Variants in BABAM2 observed in about 807,000 individuals in gnomAD.
BABAM2 encodes BRISC and BRCA1 A complex member 2.
A neutral mutation model predicts 54.7 loss-of-function variants in BABAM2; 31 were observed. The observed-to-expected ratio is 0.57, with a 90% CI of 0.43 to 0.77. The LOEUF is 0.77. BABAM2 is among the 30% of genes least tolerant of loss of function. The pLI is 0.00. For synonymous variants in BABAM2, 167 were observed against 162.9 expected, an observed-to-expected ratio of 1.03 and a Z score of -0.19; for missense variants, 364 against 455.8, an observed-to-expected ratio of 0.80 and a Z score of 1.83.
intron 10 of BABAM2, among the ~76,000 whole-genome samples, chr2:28,262,721 A>G (rs193055850): frequency 3.0e-4 from 45 of 152,280 alleles, no homozygotes; most frequent in African/African-American, 9.9e-4. Flanking sequence ...TAAAGAATAA[A>G]TGAGAGAACA....
chr2:28,243,222 A>G lies in BABAM2; in HGVS notation c.852-1558A>G, dbSNP rs114739578. ...AAAGTATTGATATCAGCACTATAAC[A>G]TTATTGGGCTAATTATAAATTCATA... On this transcript the variant is annotated intron_variant, in intron 9 of 11. Transcript: ENST00000379624. 7.3e-3 allele frequency among the ~76,000 whole-genome samples: 1,112 copies of G among 152,188 alleles called. 9 individuals are homozygous for G. Among genetic ancestry groups the G allele is most frequent in the African/African-American group, 0.025 (1,057 of 41,520 alleles).
chr2:28,272,371 T>G (rs1403192359), intron 10 of BABAM2, among the ~76,000 whole-genome samples: 1 of 152,216 alleles, frequency 6.6e-6, no homozygotes, highest in East Asian at 1.9e-4. Context: ...GGCAAAATCC[T>G]TTAAAACTTG....
intron 7 of BABAM2, among the ~76,000 whole-genome samples, chr2:28,164,647 C>G (rs1240046503): frequency 6.6e-6 from 1 of 152,044 alleles, no homozygotes; most frequent in Non-Finnish European, 1.5e-5. Flanking sequence ...TGAGGAAATT[C>G]TGCCCAGCTG....
intron 7 of BABAM2, among the ~76,000 whole-genome samples, chr2:28,226,813 C>G (rs1275928318): frequency 6.6e-6 from 1 of 151,764 alleles, no homozygotes; most frequent in East Asian, 1.9e-4. Context: ...GGTTTTAGCC[C>G]CAGTGAGAAG....
intron 11 of BABAM2, among the ~76,000 whole-genome samples, chr2:28,328,966 T>G (rs890423831): frequency 6.6e-6 from 1 of 152,262 alleles, no homozygotes; most frequent in Non-Finnish European, 1.5e-5. Context: ...TTTTTATCCT[T>G]TTGAAAAGAT....
At chr2:27,958,743 AAGAC>A (rs1273084173) in intron 3 of BABAM2, among the ~76,000 whole-genome samples, 1 of 152,114 alleles carries the variant, frequency 6.6e-6, no homozygotes. Context: ...CTTGTGAGGA[AAGAC>A]AGACAGAGGC....
At chr2:28,279,022 G>T (rs1345627225) in intron 10 of BABAM2, among the ~76,000 whole-genome samples, 1 of 152,234 alleles carries the variant, frequency 6.6e-6, no homozygotes, top group Non-Finnish European at 1.5e-5. Context: ...GGAATTAAAA[G>T]AAGAGTAAAT....
chr2:28,299,297 G>A (rs1687932450), intron 11 of BABAM2, among the ~76,000 whole-genome samples: 2 of 152,186 alleles, frequency 1.3e-5, no homozygotes, highest in South Asian at 4.1e-4. Flanking sequence ...CCTCACTTCA[G>A]TCATACAGAA....
chr2:28,221,140 A>G (rs1680373621), intron 7 of BABAM2, among the ~76,000 whole-genome samples: 1 of 150,730 alleles, frequency 6.6e-6, no homozygotes, highest in Admixed American at 6.6e-5. Flanking sequence ...CTCCACTGAG[A>G]CCCAAGGAAA....
At chr2:27,965,854 GT>G (rs1024717106) in intron 3 of BABAM2, among the ~76,000 whole-genome samples, 2 of 151,022 alleles carry the variant, frequency 1.3e-5, no homozygotes, top group Non-Finnish European at 3.0e-5. Context: ...CCTCCTCCTT[GT>G]TTTCTTCATA....
At chr2:27,978,976 C>CT (rs1473404247) in intron 3 of BABAM2, among the ~76,000 whole-genome samples, 11 of 151,448 alleles carry the variant, frequency 7.3e-5, no homozygotes, top group Admixed American at 5.3e-4. Flanking sequence ...TGATCTCATT[C>CT]TTTTTTATGG....
Position 27,983,942 on chromosome 2 carries a change from C to CTTTTTTTTTTTTTTTTTTTTTTTTTTT in BABAM2, c.206-4032_206-4031insTTTTTTTTTTTTTTTTTTTTTTTTTTT. On this transcript the variant is annotated intron_variant, in intron 3 of 11. Transcript: ENST00000379624. ...TTTCCAATGTAGATACATTTTGTAC[C>CTTTTTTTTTTTTTTTTTTTTTTTTTTT]TTTTTTTTTTTTTTTTTTTGCCAAA... Among the ~76,000 whole-genome samples the CTTTTTTTTTTTTTTTTTTTTTTTTTTT allele has an allele frequency of 5.1e-4, 16 of 31,154 alleles. 2 individuals are homozygous for CTTTTTTTTTTTTTTTTTTTTTTTTTTT. Among genetic ancestry groups the CTTTTTTTTTTTTTTTTTTTTTTTTTTT allele is most frequent in the Admixed American group, 5.9e-4 (2 of 3,418 alleles). 20.4% of individuals were successfully genotyped at this position (31,154 alleles called of 152,430 possible).
intron 6 of BABAM2, among the ~76,000 whole-genome samples, chr2:28,049,366 A>T (rs1677833334): frequency 1.3e-5 from 2 of 152,194 alleles, no homozygotes; most frequent in South Asian, 4.1e-4. Context: ...TTTGTTGGGT[A>T]AGAAAAGACC....
chr2:28,218,669 A>G (rs1680128471), intron 7 of BABAM2, among the ~76,000 whole-genome samples: 1 of 152,004 alleles, frequency 6.6e-6, no homozygotes, highest in Non-Finnish European at 1.5e-5. Flanking sequence ...TCTGCACTCT[A>G]ATGTTACTAG....
chr2:28,023,422 G>A (rs1675417049), intron 4 of BABAM2, among the ~76,000 whole-genome samples: 1 of 152,180 alleles, frequency 6.6e-6, no homozygotes, highest in African/African-American at 2.4e-5. Context: ...TGCATAGCAA[G>A]CTATGTTAGG....
chr2:28,121,944 G>A (rs1319212214), intron 6 of BABAM2, among the ~76,000 whole-genome samples: 1 of 152,266 alleles, frequency 6.6e-6, no homozygotes, highest in South Asian at 2.1e-4. Flanking sequence ...GTCAGGCGCA[G>A]TGACTCACGC....
At chr2:28,268,594 A>G (rs924713404) in intron 10 of BABAM2, among the ~76,000 whole-genome samples, 4 of 152,256 alleles carry the variant, frequency 2.6e-5, no homozygotes, top group Admixed American at 1.3e-4. Context: ...AGTCTTTATT[A>G]GTTCTAAGAA....
intron 4 of BABAM2, among the ~76,000 whole-genome samples, chr2:27,996,642 T>A (rs1673165497): frequency 1.3e-5 from 2 of 152,232 alleles, no homozygotes. Context: ...GGCTGCATGT[T>A]TGAGGTCTCT....
chr2:27,940,042 A>G (rs1212898156), intron 3 of BABAM2, among the ~76,000 whole-genome samples: 5 of 152,220 alleles, frequency 3.3e-5, no homozygotes, highest in Non-Finnish European at 7.3e-5. Flanking sequence ...ATGTTAAAGG[A>G]TATCCTAAGT....
Sources: gnomAD v4.1 joint callset for allele counts (sites outside exome capture counted in the v4.1 genomes callset) on GRCh38, gnomAD v4.1.1 for gene constraint, MANE v1.5 for transcripts, NCBI Gene and HGNC (gene_info 2026-07-23, HGNC 2026-07-21) for gene names.